MYH15: variants seen among roughly 807,000 people sequenced by gnomAD.
MYH15 encodes the protein myosin-15.
In MYH15, 227 loss-of-function variants were observed where a neutral mutation model predicts 240.5. The observed-to-expected ratio is 0.94, with a 90% CI of 0.85 to 1.05. The LOEUF is 1.05. MYH15 is among the 50% of genes least tolerant of loss of function. MYH15 has a pLI of 0.00. For synonymous variants in MYH15, 785 were observed against 796.7 expected (o/e 0.99, Z 0.25); for missense variants, 2,217 against 2,247.5 (o/e 0.99, Z 0.27).
intron 14 of MYH15, 59 bp downstream of exon 14, chr3:108,469,983 T>A (rs986242645): frequency 4.6e-6 from 7 of 1,533,128 alleles, no homozygotes; most frequent in South Asian, 1.2e-5. Flanking sequence ...TGGATCAACA[T>A]AGCAGGCAGG....
chr3:108,541,531 A>G, the MYH15 span, among the ~76,000 whole-genome samples: 1 of 152,110 alleles, frequency 6.6e-6, no homozygotes, highest in East Asian at 1.9e-4. Flanking sequence ...CACTTTACAG[A>G]AAAGGAAACA....
At chr3:108,472,387 G>A (rs947278089) in intron 12 of MYH15, among the ~76,000 whole-genome samples, 11 of 152,212 alleles carry the variant, frequency 7.2e-5, no homozygotes, top group African/African-American at 2.7e-4. Context: ...AGAGCACACA[G>A]CAGGAGCCAG....
chr3:108,470,431 G>A (rs1202794708), intron 13 of MYH15, among the ~76,000 whole-genome samples: 2 of 151,782 alleles, frequency 1.3e-5, no homozygotes, highest in Non-Finnish European at 2.9e-5. Context: ...AGCACTTAAT[G>A]GTATTAAAAT....
upstream of MYH15, among the ~76,000 whole-genome samples, chr3:108,534,003 T>C (rs570885042): frequency 6.6e-6 from 1 of 152,316 alleles, no homozygotes; most frequent in Admixed American, 6.5e-5. Context: ...TTTTAAAAAA[T>C]ACTCTTAAAA....
chr3:108,432,718 G>T (rs1204282144), intron 25 of MYH15, among the ~76,000 whole-genome samples: 2 of 152,192 alleles, frequency 1.3e-5, no homozygotes, highest in Non-Finnish European at 2.9e-5. Flanking sequence ...TTGGGTCATG[G>T]CTTCAGAGGG....
chr3:108,518,272 A>G (rs1333476529), intron 1 of MYH15, among the ~76,000 whole-genome samples: 1 of 152,234 alleles, frequency 6.6e-6, no homozygotes, highest in Non-Finnish European at 1.5e-5. Context: ...CAGATACATT[A>G]AAGTCATTCT....
intron 21 of MYH15, 24 bp from the exon 22 acceptor site, chr3:108,444,919 A>G: frequency 6.3e-7 from 1 of 1,585,398 alleles, no homozygotes; most frequent in South Asian, 1.2e-5. Context: ...GAAAAAAGAA[A>G]AGCAAGTTAG....
At chr3:108,550,206 C>A in the MYH15 span, 7 of 151,464 alleles carry the variant, frequency 4.6e-5, no homozygotes, top group Non-Finnish European at 7.4e-5. Context: ...TACAGAAGGA[C>A]CCTTGTATTT....
At chr3:108,384,838 T>C (rs2082369974) in intron 38 of MYH15, 56 bp from the exon 39 acceptor site, 7 of 1,462,360 alleles carry the variant, frequency 4.8e-6, no homozygotes, top group African/African-American at 1.4e-5. Context: ...CAGTCTACGT[T>C]GGTGTAGTCT....
chr3:108,543,253 T>C, the MYH15 span: 4 of 152,372 alleles, frequency 2.6e-5, no homozygotes, highest in South Asian at 4.1e-4. Context: ...CAGTCTATTA[T>C]TGATGAGCAT....
chr3:108,502,898 A>G (rs942607168), intron 2 of MYH15, among the ~76,000 whole-genome samples: 1 of 152,168 alleles, frequency 6.6e-6, no homozygotes, highest in Admixed American at 6.6e-5. Flanking sequence ...AAACCCATGC[A>G]GAACGTAAAC....
At chr3:108,398,254 TA>T (rs1182937595) in intron 35 of MYH15, among the ~76,000 whole-genome samples, 1 of 151,994 alleles carries the variant, frequency 6.6e-6, no homozygotes, top group African/African-American at 2.4e-5. Flanking sequence ...GGCGGAAGGT[TA>T]GAGTGATGCA....
chr3:108,539,830 GC>G, the MYH15 span, among the ~76,000 whole-genome samples: 1 of 151,986 alleles, frequency 6.6e-6, no homozygotes, highest in Non-Finnish European at 1.5e-5. Context: ...CCCCCAGAAA[GC>G]CCATTCCTAG....
intron 11 of MYH15, among the ~76,000 whole-genome samples, chr3:108,482,504 A>C (rs529452780): frequency 6.6e-6 from 1 of 152,302 alleles, no homozygotes; most frequent in Non-Finnish European, 1.5e-5. Flanking sequence ...TGTAATAAAA[A>C]CCATTCTTTA....
the MYH15 span, among the ~76,000 whole-genome samples, chr3:108,534,952 T>C: frequency 6.6e-5 from 10 of 152,146 alleles, no homozygotes; most frequent in Non-Finnish European, 1.2e-4. Context: ...TTTGATGATG[T>C]GCTTGGTATT....
At chr3:108,409,348 C>G (rs2082571017) in intron 31 of MYH15, among the ~76,000 whole-genome samples, 1 of 152,162 alleles carries the variant, frequency 6.6e-6, no homozygotes, top group Non-Finnish European at 1.5e-5. Context: ...AAAGCTCACT[C>G]AATATTCAAA....
At chr3:108,473,508 C>T (rs1015841014) in intron 12 of MYH15, among the ~76,000 whole-genome samples, 1 of 152,098 alleles carries the variant, frequency 6.6e-6, no homozygotes, top group African/African-American at 2.4e-5. Context: ...TCATCCTCAC[C>T]CCAGTATTTA....
chr3:108,427,397 C>T (rs2082732522), intron 27 of MYH15, among the ~76,000 whole-genome samples: 1 of 152,106 alleles, frequency 6.6e-6, no homozygotes, highest in African/African-American at 2.4e-5. Flanking sequence ...AGCATCTGTC[C>T]CTTTCCCCTT....
At chr3:108,480,815 G>T (rs979495151) in intron 11 of MYH15, among the ~76,000 whole-genome samples, 2 of 152,182 alleles carry the variant, frequency 1.3e-5, no homozygotes, top group Non-Finnish European at 2.9e-5. Flanking sequence ...GCAGCTGAGA[G>T]TTGGAAATAT....
Sources: allele counts gnomAD v4.1 joint callset (sites outside exome capture counted in the v4.1 genomes callset), GRCh38; gene constraint gnomAD v4.1.1; transcripts MANE v1.5; gene names NCBI Gene and HGNC (gene_info 2026-07-23, HGNC 2026-07-21).